The following KCTD18 variants were observed in gnomAD, a reference collection of about 807,000 sequenced individuals.
KCTD18 encodes the protein potassium channel tetramerization domain containing 18.
KCTD18 carries 22 observed loss-of-function variants against 30.4 expected under a neutral mutation model. That is an observed-to-expected ratio of 0.72 (90% CI 0.52 to 1.03). The LOEUF is 1.03. KCTD18 is among the 50% of genes least tolerant of loss of function. The pLI is 0.00. For missense variants in KCTD18, 529 were observed against 547.6 expected (o/e 0.97, Z 0.34); for synonymous variants, 186 against 209.0 (o/e 0.89, Z 0.95).
intron 5 of KCTD18, among the ~76,000 whole-genome samples, chr2:200,495,537 T>TAGGA: frequency 6.6e-6 from 1 of 152,282 alleles, no homozygotes; most frequent in South Asian, 2.1e-4. Flanking sequence ...CAAGTTATTT[T>TAGGA]CCAAAAGTTA....
chr2:200,490,041 C>A lies in KCTD18; in HGVS notation c.*59G>T. The A allele has an allele frequency of 4.0e-6, 6 of 1,489,742 alleles. No homozygotes were observed. The highest frequency in any genetic ancestry group is 5.4e-6 in the Non-Finnish European group (6 of 1,115,768). 92.3% of individuals were successfully genotyped at this position (1,489,742 alleles called of 1,614,324 possible). A position where few individuals can be genotyped will look rare whatever the true frequency, so the allele number is the denominator to read the frequency against. ...GCATTAAGAAAGTGTCACTTCTTTG[C>A]GTCGAATGGGTTGAAAGCTTTGGGA... On this transcript the variant is annotated 3_prime_UTR_variant, in exon 7 of 7. Coordinates refer to ENST00000359878, the MANE Select transcript of KCTD18 (RefSeq NM_152387.4).
chr2:200,500,088 T>G (rs2088062595), intron 3 of KCTD18, among the ~76,000 whole-genome samples: 1 of 151,586 alleles, frequency 6.6e-6, no homozygotes, highest in Non-Finnish European at 1.5e-5. Context: ...CAACCCTTCC[T>G]GCTAAAAACT....
intron 1 of KCTD18, 127 bp from the exon 2 acceptor site, chr2:200,507,218 TATATA>T (rs144115035): frequency 0.057 from 22,520 of 396,648 alleles, 1,793 homozygotes; most frequent in African/African-American, 0.23. Context: ...TGAAGGATTT[TATATA>T]ATATAAGAGA....
intron 5 of KCTD18, 50 bp downstream of exon 5, chr2:200,497,703 T>C (rs773903233): frequency 5.4e-5 from 67 of 1,249,576 alleles, no homozygotes; most frequent in Admixed American, 1.0e-4. Context: ...ACTTTGTCTT[T>C]TTTTTTTAAA....
At chr2:200,495,423 C>T (rs1364127302) in intron 5 of KCTD18, among the ~76,000 whole-genome samples, 1 of 152,064 alleles carries the variant, frequency 6.6e-6, no homozygotes, top group South Asian at 2.1e-4. Flanking sequence ...TGTTCCTAAG[C>T]CTTTGTCTGT....
chr2:200,494,277 A>G (rs988310291), intron 5 of KCTD18, among the ~76,000 whole-genome samples: 7 of 152,236 alleles, frequency 4.6e-5, no homozygotes, highest in African/African-American at 1.4e-4. Flanking sequence ...AGAACTGGAG[A>G]GAGGTAATGA....
At chr2:200,491,259 C>T (rs1033712840) in intron 6 of KCTD18, among the ~76,000 whole-genome samples, 11 of 152,178 alleles carry the variant, frequency 7.2e-5, no homozygotes, top group Non-Finnish European at 1.6e-4. Context: ...CACCGTGTGA[C>T]ATATCTGCTT....
chr2:200,494,984 ATTTCT>A (rs1461494727), intron 5 of KCTD18, among the ~76,000 whole-genome samples: 1 of 152,228 alleles, frequency 6.6e-6, no homozygotes, highest in East Asian at 1.9e-4. Context: ...AGCAATGATC[ATTTCT>A]TTTATCAGTG....
chr2:200,490,500 G>C lies in KCTD18; in HGVS notation c.881C>G (p.Ser294Ter), dbSNP rs1432509274. The change falls in exon 7 of 7, where the codon TCA (serine) becomes TGA (stop). Residue 294 changes from serine to a stop codon, truncating the protein, a stop_gained. Coordinates refer to ENST00000359878, the MANE Select transcript of KCTD18 (RefSeq NM_152387.4). LOFTEE classifies it low-confidence loss of function (END_TRUNC). ...GGCACTGGCTGGAGACACCGTGACT[G>C]AGGCCGAGTTCTTGACTTTAATTTG... The part of the protein sequence containing the change: ...STQIKVKNSA[S>*]VTVSPASAIQ... The C allele has an allele frequency of 6.2e-7, 1 of 1,610,486 alleles. No homozygotes were observed. The highest frequency in any genetic ancestry group is 1.3e-5 in the African/African-American group (1 of 74,936).
At chr2:200,506,005 C>A (rs1013726216) in intron 2 of KCTD18, among the ~76,000 whole-genome samples, 1 of 152,056 alleles carries the variant, frequency 6.6e-6, no homozygotes. Context: ...CCTTTCTGCC[C>A]AGGTAGAAAC....
Position 200,507,023 on chromosome 2 carries a change from C to T in KCTD18, c.-7G>A. ...CTGCCTTGTGGCCTTCCATTTCTCC[C>T]CCAGGCACCTGAATTTTTGCCGCCC... is the stretch of plus-strand genomic sequence containing the variant. On this transcript the variant is annotated 5_prime_UTR_variant, in exon 2 of 7. Coordinates refer to ENST00000359878, the MANE Select transcript of KCTD18 (RefSeq NM_152387.4). The T allele has an allele frequency of 6.3e-7, 1 of 1,595,188 alleles. No homozygotes were observed. Among genetic ancestry groups the T allele is most frequent in the Non-Finnish European group, 8.6e-7 (1 of 1,168,126 alleles).
rs1015991806 is a variant in KCTD18, at chr2:200,489,842, A to C, written c.*258T>G. The C allele has an allele frequency of 1.1e-5, 5 of 459,114 alleles. No homozygotes were observed. The highest frequency in any genetic ancestry group is 1.9e-5 in the Non-Finnish European group (5 of 260,940). 28.4% of individuals were successfully genotyped at this position (459,114 alleles called of 1,614,324 possible). ...TGTCTTGTTGCCTTAATACGAATTA[A>C]TCATTAAAAAATAAATTGAAAACCA... On this transcript the variant is annotated 3_prime_UTR_variant, in exon 7 of 7. Transcript: ENST00000359878.
rs2087883902 is a variant in KCTD18, at chr2:200,490,128, G to C, written c.1253C>G (p.Thr418Ser). 1.3e-6 allele frequency: 2 copies of C among 1,592,324 alleles called. No homozygotes were observed. The highest frequency in any genetic ancestry group is 1.7e-6 in the Non-Finnish European group (2 of 1,164,494). ...GEAARALGVRTENGKNKGN is the reference protein window; with the variant it reads ...GEAARALGVRSENGKNKGN ...ATTTCCCTTGTTCTTCCCGTTCTCAGTCCGCACTCCCAAGGCACGGGCAGC... is the reference window on the plus strand; with the variant it reads ...ATTTCCCTTGTTCTTCCCGTTCTCACTCCGCACTCCCAAGGCACGGGCAGC... Residue 418 changes from threonine (T) to serine (S), a missense_variant, in exon 7 of 7, where the codon ACT becomes AGT. Thr to Ser is a moderately conservative substitution (Grantham distance 58). Coordinates refer to ENST00000359878, the MANE Select transcript of KCTD18 (RefSeq NM_152387.4).
intron 3 of KCTD18, 107 bp downstream of exon 3, chr2:200,504,641 A>G: frequency 3.5e-6 from 3 of 849,520 alleles, no homozygotes; most frequent in South Asian, 1.9e-5. Flanking sequence ...AAATGCATAA[A>G]AACTATCTTG....
chr2:200,496,592 T>C (rs2088001349), intron 5 of KCTD18: 1 of 152,230 alleles, frequency 6.6e-6, no homozygotes, highest in African/African-American at 2.4e-5. Context: ...CCTCCCGGGT[T>C]CAAGCCATTT....
At chr2:200,508,162 G>A (rs1359381075) in intron 1 of KCTD18, among the ~76,000 whole-genome samples, 1 of 152,170 alleles carries the variant, frequency 6.6e-6, no homozygotes, top group South Asian at 2.1e-4. Flanking sequence ...GAGTACAGTG[G>A]CGCCATCTCG....
At chr2:200,504,497 C>T (rs940841433) in intron 3 of KCTD18, among the ~76,000 whole-genome samples, 1 of 148,578 alleles carries the variant, frequency 6.7e-6, no homozygotes, top group African/African-American at 2.5e-5. Context: ...TTCAGGAGTT[C>T]TGTAAAAAAG....
Position 200,489,195 on chromosome 2 carries a change from T to C in KCTD18, c.*905A>G, listed in dbSNP as rs1424596758. 3.9e-5 allele frequency: 6 copies of C among 152,364 alleles called. No homozygotes were observed. Among genetic ancestry groups the C allele is most frequent in the South Asian group, 2.1e-4 (1 of 4,814 alleles). The allele number at this position is 152,364 out of a possible 1,614,324, so 9.4% of individuals were successfully genotyped here. A position where few individuals can be genotyped will look rare whatever the true frequency, so the allele number is the denominator to read the frequency against. ...ACACAACTGAATAGTCATGAAAAAATAGAGGATTAGTCAAAATATTCTGTT... is the reference window on the plus strand; with the variant it reads ...ACACAACTGAATAGTCATGAAAAAACAGAGGATTAGTCAAAATATTCTGTT... On this transcript the variant is annotated 3_prime_UTR_variant, in exon 7 of 7. Transcript: ENST00000359878.
rs1487696446 is a variant in KCTD18, at chr2:200,510,026, C to CCCTCGGCGCGGCCGCCGGACG, written c.-495_-475dup. 2.6e-5 allele frequency: 4 copies of CCCTCGGCGCGGCCGCCGGACG among 152,212 alleles called. No individual in the cohort carries two copies. The highest frequency in any genetic ancestry group is 5.9e-5 in the Non-Finnish European group (4 of 67,990). 9.4% of individuals were successfully genotyped at this position (152,212 alleles called of 1,614,324 possible). A position where few individuals can be genotyped will look rare whatever the true frequency, so the allele number is the denominator to read the frequency against. On this transcript the variant is annotated 5_prime_UTR_variant, in exon 1 of 7. Transcript: ENST00000359878. ...CCAGACTGACCTGCGGCCCGCCAGA[C>CCCTCGGCGCGGCCGCCGGACG]CCTCGGCGCGGCCGCCGGACGCCGC... is the stretch of plus-strand genomic sequence containing the variant.
Sources: allele counts gnomAD v4.1 joint callset (sites outside exome capture counted in the v4.1 genomes callset), GRCh38; gene constraint gnomAD v4.1.1; transcripts MANE v1.5; gene names NCBI Gene and HGNC (gene_info 2026-07-23, HGNC 2026-07-21).